Variants in MTBP observed in about 807,000 individuals in gnomAD.
MTBP encodes the protein mdm2-binding protein.
A neutral mutation model predicts 117.0 loss-of-function variants in MTBP; 101 were observed. The observed-to-expected ratio is 0.86, with a 90% CI of 0.73 to 1.02. MTBP has a LOEUF of 1.02. Ranked by LOEUF, MTBP falls within the 50% of genes least tolerant of loss-of-function variation. The probability of loss-of-function intolerance (pLI) is 0.00; values close to 1 mark genes in which losing one functional copy is unlikely to be tolerated. For missense variants in MTBP, 970 were observed against 1,030.9 expected, an observed-to-expected ratio of 0.94 and a Z score of 0.81; for synonymous variants, 350 against 351.5, an observed-to-expected ratio of 1.00 and a Z score of 0.05.
intron 11 of MTBP, chr8:120,472,836 G>A (rs560062856): frequency 6.6e-6 from 1 of 152,282 alleles, no homozygotes; most frequent in East Asian, 1.9e-4. Context: ...ATAATAGGAA[G>A]CCACCAATGT....
At chr8:120,457,888 G>C (rs1399431629) in intron 7 of MTBP, among the ~76,000 whole-genome samples, 1 of 150,878 alleles carries the variant, frequency 6.6e-6, no homozygotes, top group Non-Finnish European at 1.5e-5. Context: ...GGAGGTTTCA[G>C]TGAGCTGAGA....
chr8:120,474,916 T>A (rs1813900756), intron 11 of MTBP, among the ~76,000 whole-genome samples: 1 of 152,086 alleles, frequency 6.6e-6, no homozygotes, highest in East Asian at 1.9e-4. Flanking sequence ...AGTTATGGTA[T>A]TAATGGTAAA....
intron 20 of MTBP, among the ~76,000 whole-genome samples, chr8:120,520,978 G>T (rs1171962361): frequency 1.3e-5 from 2 of 151,966 alleles, no homozygotes; most frequent in African/African-American, 4.8e-5. Flanking sequence ...CAGAACAAGG[G>T]ACTAAATCAA....
chr8:120,466,392 A>G (rs1294983202), intron 10 of MTBP, among the ~76,000 whole-genome samples: 1 of 150,716 alleles, frequency 6.6e-6, no homozygotes. Flanking sequence ...TTTTTTGTAT[A>G]TTTAGTGGAG....
chr8:120,522,543 A>G, intron 20 of MTBP, 111 bp from the exon 21 acceptor site: 2 of 725,390 alleles, frequency 2.8e-6, no homozygotes, highest in East Asian at 5.6e-5. Context: ...CCCTAATCAC[A>G]TTAATACGTG....
intron 13 of MTBP, among the ~76,000 whole-genome samples, chr8:120,494,461 C>T (rs1814412052): frequency 6.6e-6 from 1 of 152,202 alleles, no homozygotes; most frequent in African/African-American, 2.4e-5. Context: ...CAGCAATGCA[C>T]TACCCATGCC....
At chr8:120,522,604 T>C (rs773697018) in intron 20 of MTBP, 50 bp from the exon 21 acceptor site, 11 of 1,221,932 alleles carry the variant, frequency 9.0e-6, no homozygotes, top group Non-Finnish European at 1.3e-5. Flanking sequence ...TGAGTTGTTC[T>C]TTGTAATTTA....
At chr8:120,476,201 A>G (rs1315708152) in intron 11 of MTBP, among the ~76,000 whole-genome samples, 1 of 151,868 alleles carries the variant, frequency 6.6e-6, no homozygotes, top group African/African-American at 2.4e-5. Flanking sequence ...CGATAAACTT[A>G]AACACCCCTT....
At chr8:120,494,326 G>A (rs918804343) in intron 13 of MTBP, among the ~76,000 whole-genome samples, 17 of 152,190 alleles carry the variant, frequency 1.1e-4, no homozygotes, top group African/African-American at 4.1e-4. Context: ...TTCTAGGTTA[G>A]TATTTTATTG....
At chr8:120,509,777 T>G (rs563904527) in intron 16 of MTBP, among the ~76,000 whole-genome samples, 157 bp from the exon 17 acceptor site, 1 of 152,352 alleles carries the variant, frequency 6.6e-6, no homozygotes, top group Non-Finnish European at 1.5e-5. Flanking sequence ...CCTTGCTTCA[T>G]TTCCTTATTA....
chr8:120,476,425 G>A (rs1813940202), intron 11 of MTBP, among the ~76,000 whole-genome samples: 1 of 150,604 alleles, frequency 6.6e-6, no homozygotes, highest in Admixed American at 6.6e-5. Flanking sequence ...GCAAGAGAAA[G>A]AAATAAAGGG....
At position 120,457,947 on chromosome 8, in the gene MTBP, AG is replaced by A. The variant is rs376287652; in HGVS notation, c.748-1267del. Among the ~76,000 whole-genome samples the A allele has an allele frequency of 2.4e-3, 358 of 147,458 alleles. 11 individuals carry two copies. Among genetic ancestry groups the A allele is most frequent in the Admixed American group, 5.8e-3 (86 of 14,892 alleles). On this transcript the variant is annotated intron_variant, in intron 7 of 21. Transcript: ENST00000305949. ...CGTGACAGAGTGAGACTCCGTCTCA[AG>A]AAAAAAAAAAAAAACCCAAAAAAAC...
At chr8:120,475,641 A>G (rs968038106) in intron 11 of MTBP, among the ~76,000 whole-genome samples, 1 of 152,036 alleles carries the variant, frequency 6.6e-6, no homozygotes, top group Non-Finnish European at 1.5e-5. Flanking sequence ...TAGTAAATGA[A>G]TGCCTTTTAA....
At chr8:120,447,700 A>G (rs1439633832) in intron 2 of MTBP, among the ~76,000 whole-genome samples, 3 of 152,170 alleles carry the variant, frequency 2.0e-5, no homozygotes, top group Non-Finnish European at 4.4e-5. Flanking sequence ...TTTTATGGAA[A>G]TAAAAAAATA....
intron 20 of MTBP, among the ~76,000 whole-genome samples, chr8:120,520,911 A>G (rs925928054): frequency 4.6e-5 from 7 of 152,160 alleles, no homozygotes; most frequent in African/African-American, 1.7e-4. Flanking sequence ...AACATGGAAT[A>G]TCTGAAAAAG....
At chr8:120,487,692 C>G (rs1163348907) in intron 11 of MTBP, among the ~76,000 whole-genome samples, 5 of 152,344 alleles carry the variant, frequency 3.3e-5, no homozygotes, top group Admixed American at 6.5e-5. Flanking sequence ...AATGAATGCT[C>G]TCCATTCCCT....
At chr8:120,454,038 T>C (rs1813417508) in intron 5 of MTBP, 133 bp downstream of exon 5, 2 of 476,374 alleles carry the variant, frequency 4.2e-6, no homozygotes, top group African/African-American at 2.0e-5. Context: ...CAATTTTTAA[T>C]TGAAGTTGAT....
intron 18 of MTBP, 80 bp from the exon 19 acceptor site, chr8:120,517,771 T>G: frequency 7.2e-7 from 1 of 1,394,022 alleles, no homozygotes. Context: ...TGGATATAGT[T>G]GTAATATTTA....
chr8:120,521,441 A>G (rs756968070), intron 20 of MTBP, among the ~76,000 whole-genome samples: 1 of 152,192 alleles, frequency 6.6e-6, no homozygotes, highest in African/African-American at 2.4e-5. Flanking sequence ...AAGAGAAGGA[A>G]GGTTTTGTGT....
Sources: allele counts gnomAD v4.1 joint callset (sites outside exome capture counted in the v4.1 genomes callset), GRCh38; gene constraint gnomAD v4.1.1; transcripts MANE v1.5; gene names NCBI Gene and HGNC (gene_info 2026-07-23, HGNC 2026-07-21).